The following MLYCD variants were observed in gnomAD, a reference collection of about 807,000 sequenced individuals.
MLYCD encodes the protein malonyl-CoA decarboxylase, mitochondrial.
MLYCD carries 27 observed loss-of-function variants against 35.8 expected under a neutral mutation model. The observed-to-expected ratio is 0.75, with a 90% CI of 0.56 to 1.04. The LOEUF is 1.04. Ranked by LOEUF, MLYCD falls within the 50% of genes least tolerant of loss-of-function variation. MLYCD has a pLI of 0.00. For synonymous variants in MLYCD, 403 were observed against 302.4 expected, an observed-to-expected ratio of 1.33 and a Z score of -3.45; for missense variants, 917 against 665.1, an observed-to-expected ratio of 1.38 and a Z score of -4.17.
In MLYCD at chr16:83,916,039, A is replaced by G. The variant is rs1907373905; in HGVS notation, c.*550A>G. The G allele has an allele frequency of 1.0e-6, 1 of 1,004,382 alleles. No individual in the cohort carries two copies. Among genetic ancestry groups the G allele is most frequent in the Non-Finnish European group, 1.2e-6 (1 of 839,582 alleles). 62.2% of individuals were successfully genotyped at this position (1,004,382 alleles called of 1,614,324 possible). ...ATGAGAAGGTTTGTGATTTTGCACA[A>G]GGTGTGTGTAGTAAGTTAAATTGTT... is the stretch of plus-strand genomic sequence containing the variant. On this transcript the variant is annotated 3_prime_UTR_variant, in exon 5 of 5. Coordinates refer to ENST00000262430, the MANE Select transcript of MLYCD (RefSeq NM_012213.3).
rs978009891 is a variant in MLYCD at position 83,918,871 on chromosome 16, G to C, written c.*3382G>C. Reference sequence around the variant, plus strand: ...ACACACAGTGCACAGAACACAGCCAGTGCACAGGAGAACACTGCACAGGAG... The same window carrying C: ...ACACACAGTGCACAGAACACAGCCACTGCACAGGAGAACACTGCACAGGAG... On this transcript the variant is annotated 3_prime_UTR_variant, in exon 5 of 5. Coordinates refer to ENST00000262430, the MANE Select transcript of MLYCD (RefSeq NM_012213.3). 2 of 141,088 alleles carry C rather than the reference G, an allele frequency of 1.4e-5. No individual in the cohort carries two copies. Among genetic ancestry groups the C allele is most frequent in the African/African-American group, 5.7e-5 (2 of 35,148 alleles). The allele number at this position is 141,088 out of a possible 1,614,324, so 8.7% of individuals were successfully genotyped here. A position where few individuals can be genotyped will look rare whatever the true frequency, so the allele number is the denominator to read the frequency against.
At chr16:83,912,165 G>A (rs1015021904) in intron 3 of MLYCD, 53 bp from the exon 4 acceptor site, 50 of 1,612,168 alleles carry the variant, frequency 3.1e-5, no homozygotes, top group African/African-American at 2.4e-4. Flanking sequence ...GGCTTGCCTC[G>A]TGGGCTGCAG....
At chr16:83,912,930 AT>A (rs553107665) in intron 4 of MLYCD, 262 of 180,092 alleles carry the variant, frequency 1.5e-3, no homozygotes, top group African/African-American at 5.9e-3. Context: ...TGAAAAACAT[AT>A]TAACCATCCT....
intron 3 of MLYCD, 127 bp downstream of exon 3, chr16:83,908,409 T>C (rs1266023745): frequency 8.1e-7 from 1 of 1,228,166 alleles, no homozygotes; most frequent in Non-Finnish European, 1.1e-6. Flanking sequence ...GTTTTGGGCT[T>C]TTTTAAATTG....
chr16:83,901,359 A>G (rs1443118238), intron 1 of MLYCD, among the ~76,000 whole-genome samples: 1 of 152,212 alleles, frequency 6.6e-6, no homozygotes, highest in Non-Finnish European at 1.5e-5. Flanking sequence ...TTTCTTGCAT[A>G]GCAGAATGAT....
rs538886724 is a variant in MLYCD at position 83,916,883 on chromosome 16, G to C, written c.*1394G>C. 9.3e-5 allele frequency: 13 copies of C among 139,432 alleles called. No individual in the cohort carries two copies. Among genetic ancestry groups the C allele is most frequent in the African/African-American group, 3.2e-4 (12 of 37,224 alleles). The allele number at this position is 139,432 out of a possible 1,614,324, so 8.6% of individuals were successfully genotyped here. On this transcript the variant is annotated 3_prime_UTR_variant, in exon 5 of 5. Transcript: ENST00000262430. ...TGCGTGTGCCCGAGCGTCTCTGTGT[G>C]GATCAGTGCACGTCTGTGTGCGTGT...
rs2151053290 is a variant in MLYCD, at chr16:83,899,535, T to C, written c.391T>C (p.Tyr131His). Reference protein sequence around the residue: ...VLLQAEDRLRYALVPRYRGLF... With the variant: ...VLLQAEDRLRHALVPRYRGLF... Reference sequence around the variant, plus strand: ...GCTGCAGGCCGAGGACCGGCTGCGCTACGCGCTGGTGCCGCGCTATCGCGG... The same window carrying C: ...GCTGCAGGCCGAGGACCGGCTGCGCCACGCGCTGGTGCCGCGCTATCGCGG... The change falls in exon 1 of 5, where the codon TAC (tyrosine) becomes CAC (histidine). Residue 131 changes from tyrosine (Y) to histidine (H), a missense_variant. Transcript: ENST00000262430. 2.5e-6 allele frequency: 4 copies of C among 1,591,152 alleles called. No individual in the cohort carries two copies. Among genetic ancestry groups the C allele is most frequent in the East Asian group, 2.3e-5 (1 of 44,212 alleles).
Position 83,915,391 on chromosome 16 carries a change from G to A in MLYCD, c.1384G>A (p.Gly462Ser). The change falls in exon 5 of 5, where the codon GGC becomes AGC. Residue 462 changes from glycine (G) to serine (S), a missense_variant. By Grantham distance (56) the Gly-to-Ser change is moderately conservative. Transcript: ENST00000262430. ...ANYRYFLEET[G>S]PNSTSYLGSK... ...CTACCGCTACTTCCTGGAGGAGACG[G>A]GCCCCAACAGCACCTCCTACCTCGG... 1 of 1,613,890 alleles carries A rather than the reference G, an allele frequency of 6.2e-7. No individual in the cohort carries two copies. Among genetic ancestry groups the A allele is most frequent in the Non-Finnish European group, 8.5e-7 (1 of 1,180,036 alleles).
At chr16:83,901,569 C>T (rs955232735) in intron 1 of MLYCD, among the ~76,000 whole-genome samples, 2 of 152,150 alleles carry the variant, frequency 1.3e-5, no homozygotes, top group Admixed American at 6.5e-5. Flanking sequence ...CAGCTTTGTC[C>T]CTCATTGATT....
At position 83,921,970 on chromosome 16, in the gene MLYCD, T is replaced by G. The variant is rs1438584649; in HGVS notation, c.*6481T>G. 6.5e-5 allele frequency: 9 copies of G among 139,180 alleles called. No homozygotes were observed. The highest frequency in any genetic ancestry group is 2.0e-4 in the African/African-American group (8 of 40,250). 8.6% of individuals were successfully genotyped at this position (139,180 alleles called of 1,614,324 possible). On this transcript the variant is annotated 3_prime_UTR_variant, in exon 5 of 5. Coordinates refer to ENST00000262430, the MANE Select transcript of MLYCD (RefSeq NM_012213.3). ...ACACAGTGGCTAAGAGGGCAGGGGC[T>G]CAGTCTCACAGACCTGGTTTCCATC...
In MLYCD at chr16:83,919,772, G is replaced by A. The variant is rs1466362794; in HGVS notation, c.*4283G>A. On this transcript the variant is annotated 3_prime_UTR_variant, in exon 5 of 5. Transcript: ENST00000262430. ...ACACACGGTGCACAGGAGAACACAT[G>A]GTGCACAGGAGAACACACGGTGTAC... 7.1e-6 allele frequency: 1 copy of A among 141,838 alleles called. No homozygotes were observed. Among genetic ancestry groups the A allele is most frequent in the African/African-American group, 2.7e-5 (1 of 37,144 alleles). 8.8% of individuals were successfully genotyped at this position (141,838 alleles called of 1,614,324 possible). A position where few individuals can be genotyped will look rare whatever the true frequency, so the allele number is the denominator to read the frequency against.
At position 83,902,155 on chromosome 16, in the gene MLYCD, GTATATATA is replaced by G. The variant is rs386385269; in HGVS notation, c.528+2511_528+2518del. ...TATGTGTGTGTGTGTGTGTGCGTGC[GTATATATA>G]TATATATATATATATATATATATAT... is the stretch of plus-strand genomic sequence containing the variant. On this transcript the variant is annotated intron_variant, in intron 1 of 4. Coordinates refer to ENST00000262430, the MANE Select transcript of MLYCD (RefSeq NM_012213.3). Among the ~76,000 whole-genome samples the G allele has an allele frequency of 4.4e-3, 384 of 87,330 alleles. 12 individuals are homozygous for G. The highest frequency in any genetic ancestry group is 0.014 in the African/African-American group (310 of 21,870). 57.3% of individuals were successfully genotyped at this position (87,330 alleles called of 152,430 possible). A position where few individuals can be genotyped will look rare whatever the true frequency, so the allele number is the denominator to read the frequency against.
intron 4 of MLYCD, chr16:83,913,425 TC>T (rs1204488478): frequency 6.6e-6 from 1 of 152,300 alleles, no homozygotes; most frequent in African/African-American, 2.4e-5. Context: ...CCAGCAGCTG[TC>T]CTGAGGGTGT....
rs1461499946 is a variant in MLYCD, at chr16:83,914,955, GA to G, written c.949del (p.Arg317GlufsTer26). 1 of 1,614,092 alleles carries G rather than the reference GA, an allele frequency of 6.2e-7. No individual in the cohort carries two copies. Among genetic ancestry groups the G allele is most frequent in the Non-Finnish European group, 8.5e-7 (1 of 1,180,046 alleles). ...LIKRVVKELQ[R>X]EFPHLGVFSS... ...CTTTCCACCCCAACCATGCTTTACA[GA>G]GAGAGTTTCCTCACCTTGGGGTGTT... On this transcript the variant is annotated frameshift_variant and splice_region_variant, in exon 5 of 5. Coordinates refer to ENST00000262430, the MANE Select transcript of MLYCD (RefSeq NM_012213.3). LOFTEE classifies it high-confidence loss of function.
Position 83,908,131 on chromosome 16 carries a change from A to T in MLYCD, c.647A>T (p.Glu216Val). Residue 216 changes from glutamate (E) to valine (V), a missense_variant, in exon 3 of 5, where the codon GAG (glutamate) becomes GTG (valine). By Grantham distance (121) the Glu-to-Val change is moderately radical. Transcript: ENST00000262430. ...CEVLQKISEAEAVHPVKNWMD... is the reference protein window; with the variant it reads ...CEVLQKISEAVAVHPVKNWMD... ...CTTTATAAATTCCGCCCCAGGGCTG[A>T]GGCTGTGCATCCTGTAAAAAACTGG... is the stretch of plus-strand genomic sequence containing the variant. The T allele has an allele frequency of 6.2e-7, 1 of 1,614,252 alleles. No homozygotes were observed.
In MLYCD at chr16:83,918,189, A is replaced by G. The variant is rs1382496621; in HGVS notation, c.*2700A>G. ...CCGGTTTTATTTATCACTCAGGCAG[A>G]GTTTCTTAACCTTTTGTGAGTTACA... On this transcript the variant is annotated 3_prime_UTR_variant, in exon 5 of 5. Transcript: ENST00000262430. 4 of 152,134 alleles carry G rather than the reference A, an allele frequency of 2.6e-5. No individual in the cohort carries two copies. Among genetic ancestry groups the G allele is most frequent in the African/African-American group, 7.3e-5 (3 of 41,336 alleles). The allele number at this position is 152,134 out of a possible 1,614,324, so 9.4% of individuals were successfully genotyped here.
At chr16:83,910,969 C>A (rs371102293) in intron 3 of MLYCD, among the ~76,000 whole-genome samples, 1 of 150,898 alleles carries the variant, frequency 6.6e-6, no homozygotes, top group East Asian at 1.9e-4. Flanking sequence ...ATTCCATACA[C>A]AATTTCTTTC....
chr16:83,903,216 A>G (rs1047360047), intron 1 of MLYCD, among the ~76,000 whole-genome samples: 3 of 152,186 alleles, frequency 2.0e-5, no homozygotes, highest in Non-Finnish European at 4.4e-5. Context: ...ACAGAGGCAC[A>G]GAAACTAGAG....
chr16:83,924,588 C>G lies in MLYCD; in HGVS notation c.*9099C>G, dbSNP rs1006081884. Reference sequence around the variant, plus strand: ...AAAGGCAGCCCTCACTCCTGCTGCTCAGACAGCACCCCCTGAACGTGAGTT... The same window carrying G: ...AAAGGCAGCCCTCACTCCTGCTGCTGAGACAGCACCCCCTGAACGTGAGTT... On this transcript the variant is annotated 3_prime_UTR_variant, in exon 5 of 5. Coordinates refer to ENST00000262430, the MANE Select transcript of MLYCD (RefSeq NM_012213.3). The G allele has an allele frequency of 3.3e-5, 5 of 152,212 alleles. No homozygotes were observed. Among genetic ancestry groups the G allele is most frequent in the African/African-American group, 4.8e-5 (2 of 41,458 alleles). 9.4% of individuals were successfully genotyped at this position (152,212 alleles called of 1,614,324 possible).
Sources: allele counts gnomAD v4.1 joint callset (sites outside exome capture counted in the v4.1 genomes callset), GRCh38; gene constraint gnomAD v4.1.1; transcripts MANE v1.5; gene names NCBI Gene and HGNC (gene_info 2026-07-23, HGNC 2026-07-21).